The following AGBL3 variants were observed in gnomAD, a reference collection of about 807,000 sequenced individuals.
The protein encoded by AGBL3 is AGBL carboxypeptidase 3.
In AGBL3, 68 loss-of-function variants were observed where a neutral mutation model predicts 94.5. That is an observed-to-expected ratio of 0.72 (90% CI 0.59 to 0.88). The LOEUF is 0.88. Ranked by LOEUF, AGBL3 falls within the 40% of genes least tolerant of loss-of-function variation. AGBL3 has a pLI of 0.00. For missense variants in AGBL3, 934 were observed against 1,103.8 expected, an observed-to-expected ratio of 0.85 and a Z score of 2.18; for synonymous variants, 354 against 370.7, an observed-to-expected ratio of 0.95 and a Z score of 0.52.
chr7:135,027,130 C>T (rs148131777), intron 5 of AGBL3, among the ~76,000 whole-genome samples: 5 of 151,668 alleles, frequency 3.3e-5, no homozygotes, highest in East Asian at 2.1e-4. Context: ...CTCACTGTAA[C>T]CTCTACCTCC....
At position 134,995,897 on chromosome 7, in the gene AGBL3, C is replaced by T. The variant is rs191541688; in HGVS notation, c.310+2219C>T. On this transcript the variant is annotated intron_variant, in intron 4 of 16. Coordinates refer to ENST00000436302, the MANE Select transcript of AGBL3 (RefSeq NM_178563.4). The stretch of plus-strand genomic sequence containing the variant: ...CTCAAGCCAACTGGAACACCCAATA[C>T]AATACATCCTTGTGTAGGAAGAATC... 1.7e-3 allele frequency among the ~76,000 whole-genome samples: 259 copies of T among 152,306 alleles called. 3 individuals are homozygous for T. The highest frequency in any genetic ancestry group is 6.2e-3 in the African/African-American group (256 of 41,570).
At chr7:135,072,616 G>A (rs933314435) in intron 12 of AGBL3, among the ~76,000 whole-genome samples, 1 of 152,106 alleles carries the variant, frequency 6.6e-6, no homozygotes, top group Middle Eastern at 3.2e-3. Context: ...CCTTTGTAGG[G>A]ACATGGATGA....
At chr7:135,035,020 T>C in intron 7 of AGBL3, 92 bp downstream of exon 7, 1 of 1,165,350 alleles carries the variant, frequency 8.6e-7, no homozygotes, top group East Asian at 2.6e-5. Context: ...TACTGTAACT[T>C]CTCAAGATAG....
chr7:135,009,648 A>T (rs1381868900), intron 4 of AGBL3, among the ~76,000 whole-genome samples: 2 of 152,124 alleles, frequency 1.3e-5, no homozygotes, highest in African/African-American at 4.8e-5. Context: ...CCAACACAAC[A>T]CCACAAGAAT....
chr7:134,990,022 G>T (rs1019646880), intron 3 of AGBL3, among the ~76,000 whole-genome samples: 13 of 152,038 alleles, frequency 8.6e-5, no homozygotes, highest in Non-Finnish European at 1.5e-4. Context: ...TTTAAATTTT[G>T]CCAAGCTATT....
chr7:135,042,638 AG>A (rs1170708462), intron 8 of AGBL3, among the ~76,000 whole-genome samples: 2 of 152,192 alleles, frequency 1.3e-5, no homozygotes, highest in Non-Finnish European at 2.9e-5. Context: ...GGCTGGGCAC[AG>A]TGGCCCATAC....
chr7:135,009,137 G>A (rs1812780083), intron 4 of AGBL3, among the ~76,000 whole-genome samples: 1 of 152,168 alleles, frequency 6.6e-6, no homozygotes, highest in South Asian at 2.1e-4. Flanking sequence ...ATGTACCCAA[G>A]AGAAATGAAA....
At chr7:135,039,982 G>T (rs749970362) in intron 8 of AGBL3, among the ~76,000 whole-genome samples, 10 of 151,872 alleles carry the variant, frequency 6.6e-5, no homozygotes, top group Non-Finnish European at 1.0e-4. Context: ...CGAGGAGGAG[G>T]GGGAGGCAAT....
At chr7:135,027,878 T>C (rs1815319620) in intron 5 of AGBL3, among the ~76,000 whole-genome samples, 1 of 151,636 alleles carries the variant, frequency 6.6e-6, no homozygotes. Flanking sequence ...TTAAAAAGAA[T>C]TCAGCCATAA....
intron 11 of AGBL3, chr7:135,051,246 ACCTTC>A (rs1817848262): frequency 4.9e-6 from 1 of 202,056 alleles, no homozygotes; most frequent in South Asian, 7.3e-5. Context: ...TGCCCCTGCA[ACCTTC>A]CCTGGTGACT....
Position 134,993,382 on chromosome 7 carries a change from G to A in AGBL3, c.125-111G>A. 2.4e-6 allele frequency: 2 copies of A among 844,954 alleles called. 1 individual carries two copies. The highest frequency in any genetic ancestry group is 5.3e-5 in the South Asian group (2 of 37,568). 52.3% of individuals were successfully genotyped at this position (844,954 alleles called of 1,614,324 possible). On this transcript the variant is annotated intron_variant, in intron 3 of 16. Transcript: ENST00000436302. ...CCATGAATTATAAAACATTTATAAT[G>A]ATACCCACACATTGAATAGTGTTGA...
chr7:135,101,058 C>T (rs1823756800), intron 15 of AGBL3: 2 of 389,920 alleles, frequency 5.1e-6, no homozygotes, highest in Admixed American at 3.1e-5. Context: ...ACAATGAAAT[C>T]AGAGGACCCA....
intron 5 of AGBL3, among the ~76,000 whole-genome samples, chr7:135,027,078 T>TCG: frequency 6.6e-6 from 1 of 151,792 alleles, no homozygotes; most frequent in African/African-American, 2.4e-5. Flanking sequence ...AGACAGAGCC[T>TCG]CGCTCTGTCA....
intron 5 of AGBL3, among the ~76,000 whole-genome samples, chr7:135,019,110 T>G (rs1814136438): frequency 6.6e-6 from 1 of 152,268 alleles, no homozygotes; most frequent in Non-Finnish European, 1.5e-5. Context: ...CACTGTTATG[T>G]CTGAATTCTT....
At chr7:135,005,182 A>C (rs547189180) in intron 4 of AGBL3, among the ~76,000 whole-genome samples, 1 of 151,700 alleles carries the variant, frequency 6.6e-6, no homozygotes, top group South Asian at 2.1e-4. Context: ...ATATCCTTAC[A>C]TTTCACCTGT....
In AGBL3 at chr7:135,045,837, A is replaced by G; in HGVS notation, c.1767A>G (p.Arg589=). Residue 589 remains arginine (R), a synonymous_variant, in exon 11 of 17, where the codon AGA becomes AGG. Transcript: ENST00000436302. ...RCLKELEEME[R]HITLEKVFED... ...TGAAAGAATTAGAAGAAATGGAAAG[A>G]CATATAACCCTGGAAAAAGTCTTTG... 6.4e-7 allele frequency: 1 copy of G among 1,550,874 alleles called. No individual in the cohort carries two copies. Among genetic ancestry groups the G allele is most frequent in the Non-Finnish European group, 8.7e-7 (1 of 1,146,376 alleles).
chr7:135,059,515 A>G (rs944702271), intron 12 of AGBL3, among the ~76,000 whole-genome samples: 1 of 152,234 alleles, frequency 6.6e-6, no homozygotes, highest in Non-Finnish European at 1.5e-5. Context: ...CCTAACATAC[A>G]TCACCTGACT....
At chr7:135,068,148 C>G (rs1441348322) in intron 12 of AGBL3, among the ~76,000 whole-genome samples, 1 of 151,752 alleles carries the variant, frequency 6.6e-6, no homozygotes, top group Non-Finnish European at 1.5e-5. Flanking sequence ...GATGGAAGAT[C>G]AAATGAATGT....
intron 12 of AGBL3, among the ~76,000 whole-genome samples, chr7:135,071,034 G>T (rs553474210): frequency 4.4e-4 from 67 of 152,276 alleles, no homozygotes; most frequent in African/African-American, 1.5e-3. Flanking sequence ...AAAGTCTCAG[G>T]ATACAAAATC....
Sources: allele counts gnomAD v4.1 joint callset (sites outside exome capture counted in the v4.1 genomes callset), GRCh38; gene constraint gnomAD v4.1.1; transcripts MANE v1.5; gene names NCBI Gene and HGNC (gene_info 2026-07-23, HGNC 2026-07-21).